WHRN: variants seen among roughly 807,000 people sequenced by gnomAD.
The protein encoded by WHRN is whirlin.
A neutral mutation model predicts 68.3 loss-of-function variants in WHRN; 41 were observed. The observed-to-expected ratio is 0.60, with a 90% CI of 0.47 to 0.78. WHRN has a LOEUF of 0.78. Among genes scored for constraint, WHRN ranks in the 30% least tolerant of loss-of-function variants. The pLI is 0.00. For synonymous variants in WHRN, 560 were observed against 561.3 expected, an observed-to-expected ratio of 1.00 and a Z score of 0.03; for missense variants, 1,243 against 1,244.7, an observed-to-expected ratio of 1.00 and a Z score of 0.02.
Position 114,426,300 on chromosome 9 carries a change from G to A in WHRN, c.1077C>T (p.Val359=), listed in dbSNP as rs1337707369. The change falls in exon 4 of 12, where the codon GTC becomes GTT. Residue 359 remains valine, a synonymous_variant. Transcript: ENST00000362057. ...SRHLILTVKD[V]GRLPHARTTV... The stretch of plus-strand genomic sequence containing the variant: ...TGGTGCGGGCATGGGGCAGCCTCCC[G>A]ACGTCCTTCACTGTCAGGATGAGGT... 3 of 1,613,688 alleles carry A rather than the reference G, an allele frequency of 1.9e-6. No homozygotes were observed. The highest frequency in any genetic ancestry group is 2.5e-6 in the Non-Finnish European group (3 of 1,180,032).
intron 3 of WHRN, among the ~76,000 whole-genome samples, chr9:114,451,527 A>G (rs1839331671): frequency 2.0e-5 from 3 of 152,200 alleles, no homozygotes; most frequent in Non-Finnish European, 1.5e-5. Flanking sequence ...GAGACATCAG[A>G]AATATCACTG....
At chr9:114,414,824 G>T (rs1046291663) in intron 7 of WHRN, among the ~76,000 whole-genome samples, 1 of 152,162 alleles carries the variant, frequency 6.6e-6, no homozygotes, top group Non-Finnish European at 1.5e-5. Context: ...GGGATGGAGT[G>T]GGCTCTTCTA....
chr9:114,502,228 C>T (rs1843995174), intron 1 of WHRN, among the ~76,000 whole-genome samples: 1 of 152,164 alleles, frequency 6.6e-6, no homozygotes. Flanking sequence ...GCCAATGTAG[C>T]CACCTCTGTT....
At chr9:114,442,497 T>C (rs1327819606) in intron 3 of WHRN, among the ~76,000 whole-genome samples, 1 of 152,222 alleles carries the variant, frequency 6.6e-6, no homozygotes, top group Non-Finnish European at 1.5e-5. Flanking sequence ...CTAGTGAATC[T>C]GGGTGAAGGG....
intron 2 of WHRN, among the ~76,000 whole-genome samples, chr9:114,467,242 G>A (rs1413777132): frequency 6.6e-6 from 1 of 152,104 alleles, no homozygotes; most frequent in East Asian, 1.9e-4. Flanking sequence ...GATGGTCCCT[G>A]GCTCTACATA....
intron 3 of WHRN, among the ~76,000 whole-genome samples, chr9:114,447,739 TCACTTTCTCTCTCACA>T (rs1838956538): frequency 1.4e-5 from 2 of 142,866 alleles, no homozygotes; most frequent in Admixed American, 1.4e-4. Context: ...TCTCTGTCAC[TCACTTTCTCTCTCACA>T]CACTTTCTCT....
intron 7 of WHRN, among the ~76,000 whole-genome samples, chr9:114,414,568 T>C (rs561107713): frequency 2.4e-4 from 37 of 152,306 alleles, no homozygotes; most frequent in African/African-American, 8.9e-4. Context: ...GGCCAGCCCA[T>C]GTTCAAACAG....
At chr9:114,459,905 G>A (rs1840107817) in intron 3 of WHRN, among the ~76,000 whole-genome samples, 1 of 152,222 alleles carries the variant, frequency 6.6e-6, no homozygotes, top group Admixed American at 6.5e-5. Context: ...GTTGAAATGT[G>A]ATCCCCAGTG....
At chr9:114,418,053 C>T (rs1835951549) in intron 7 of WHRN, among the ~76,000 whole-genome samples, 2 of 152,156 alleles carry the variant, frequency 1.3e-5, no homozygotes, top group African/African-American at 4.8e-5. Flanking sequence ...GTCCCAGTGC[C>T]CTGCGTACTC....
chr9:114,489,279 T>C (rs1842772332), intron 1 of WHRN, among the ~76,000 whole-genome samples: 1 of 152,104 alleles, frequency 6.6e-6, no homozygotes, highest in Non-Finnish European at 1.5e-5. Flanking sequence ...AGTGAAGAAA[T>C]GAAAGGATGC....
intron 3 of WHRN, among the ~76,000 whole-genome samples, chr9:114,456,151 A>C (rs77198801): frequency 6.7e-5 from 10 of 148,308 alleles, no homozygotes; most frequent in African/African-American, 5.0e-5. Flanking sequence ...AAAAAAAAAA[A>C]CATCTCCAAA....
Position 114,422,282 on chromosome 9 carries a change from A to T in WHRN, c.1626+1032T>A, listed in dbSNP as rs577097105. Among the ~76,000 whole-genome samples the T allele has an allele frequency of 1.4e-3, 210 of 152,336 alleles. 2 individuals carry two copies. Among genetic ancestry groups the T allele is most frequent in the African/African-American group, 4.9e-3 (203 of 41,570 alleles). On this transcript the variant is annotated intron_variant, in intron 7 of 11. Coordinates refer to ENST00000362057, the MANE Select transcript of WHRN (RefSeq NM_015404.4). ...ACTGCCTTTCCATAGAAGAGTGGTG[A>T]TGAATGACCTAACGGTGAGAAACAA...
At chr9:114,460,856 G>T (rs1840189090) in intron 3 of WHRN, among the ~76,000 whole-genome samples, 1 of 152,200 alleles carries the variant, frequency 6.6e-6, no homozygotes, top group Non-Finnish European at 1.5e-5. Context: ...CCTTTTCTTG[G>T]CTCCACTGCC....
At chr9:114,496,648 C>A (rs1843487787) in intron 1 of WHRN, among the ~76,000 whole-genome samples, 1 of 152,186 alleles carries the variant, frequency 6.6e-6, no homozygotes, top group African/African-American at 2.4e-5. Flanking sequence ...ACCTCCACTG[C>A]CATATTTTCC....
chr9:114,502,491 T>G (rs564162864), intron 1 of WHRN, among the ~76,000 whole-genome samples: 12 of 151,856 alleles, frequency 7.9e-5, no homozygotes, highest in African/African-American at 2.9e-4. Flanking sequence ...CTGAGGGAGA[T>G]TCAGAGAGAA....
chr9:114,443,011 T>C (rs918932444), intron 3 of WHRN, among the ~76,000 whole-genome samples: 2 of 152,236 alleles, frequency 1.3e-5, no homozygotes, highest in Non-Finnish European at 2.9e-5. Flanking sequence ...CATCAGAATC[T>C]AGAGTGTGTT....
intron 1 of WHRN, among the ~76,000 whole-genome samples, chr9:114,501,551 TACACACAC>T (rs59195050): frequency 8.3e-5 from 12 of 144,964 alleles, no homozygotes; most frequent in Admixed American, 2.1e-4. Flanking sequence ...TAATTTTTAT[TACACACAC>T]ACACACACAC....
At chr9:114,451,479 C>A in intron 3 of WHRN, among the ~76,000 whole-genome samples, 1 of 152,132 alleles carries the variant, frequency 6.6e-6, no homozygotes, top group East Asian at 1.9e-4. Flanking sequence ...TGCAGCAAAT[C>A]ATCAATAAAT....
chr9:114,433,944 C>T (rs761374920), intron 3 of WHRN, among the ~76,000 whole-genome samples: 5 of 152,328 alleles, frequency 3.3e-5, no homozygotes, highest in Middle Eastern at 6.8e-3. Flanking sequence ...TTACTCTATT[C>T]ACCACACAGG....
Sources: allele counts gnomAD v4.1 joint callset (sites outside exome capture counted in the v4.1 genomes callset), GRCh38; gene constraint gnomAD v4.1.1; transcripts MANE v1.5; gene names NCBI Gene and HGNC (gene_info 2026-07-23, HGNC 2026-07-21).